HDX: variants seen among roughly 807,000 people sequenced by gnomAD.
HDX encodes the protein highly divergent homeobox, also known as chromosome X open reading frame 43.
A neutral mutation model predicts 45.2 loss-of-function variants in HDX; 19 were observed. The ratio of observed to expected loss-of-function variants is 0.42; its 90% CI spans 0.29 to 0.62. The LOEUF (loss-of-function observed/expected upper bound fraction) is 0.62, where lower values mean the gene tolerates loss of function less well. HDX is among the 20% of genes least tolerant of loss of function. The pLI, the probability that HDX is intolerant of heterozygous loss-of-function variation, is 0.20. For missense variants in HDX, 532 were observed against 493.9 expected (o/e 1.08, Z -0.73); for synonymous variants, 188 against 172.8 (o/e 1.09, Z -0.69).
At chrX:84,460,217 C>A (rs1269794903) in intron 4 of HDX, among the ~76,000 whole-genome samples, 1 of 111,584 alleles carries the variant, frequency 9.0e-6, no homozygotes, top group Admixed American at 9.5e-5. Context: ...CAAAACCAGA[C>A]AAAGATGTCT....
chrX:84,422,046 A>G (rs2039268097), intron 5 of HDX, among the ~76,000 whole-genome samples: 1 of 110,818 alleles, frequency 9.0e-6, no homozygotes, highest in African/African-American at 3.3e-5. Context: ...TCTTCAGTGT[A>G]GACCAAATGG....
At chrX:84,402,462 G>T (rs932118958) in intron 5 of HDX, among the ~76,000 whole-genome samples, 22 of 111,500 alleles carry the variant, frequency 2.0e-4, no homozygotes, top group African/African-American at 6.8e-4. Flanking sequence ...GGCAACCACT[G>T]ATCTATTTAC....
chrX:84,373,425 C>T (rs943076738), intron 5 of HDX, among the ~76,000 whole-genome samples: 1 of 110,966 alleles, frequency 9.0e-6, no homozygotes, highest in Non-Finnish European at 1.9e-5. Context: ...CAGCATCATC[C>T]TGATACCAAA....
chrX:84,452,816 A>G (rs1195011645), intron 4 of HDX, among the ~76,000 whole-genome samples: 3 of 112,075 alleles, frequency 2.7e-5, no homozygotes, highest in African/African-American at 9.7e-5. Flanking sequence ...CAATATGCAA[A>G]CATCAACTCA....
chrX:84,412,147 A>T (rs1906149144), intron 5 of HDX, among the ~76,000 whole-genome samples: 1 of 111,592 alleles, frequency 9.0e-6, no homozygotes, highest in Non-Finnish European at 1.9e-5. Flanking sequence ...TAATTGGGAC[A>T]TTTAGCCCAT....
intron 4 of HDX, among the ~76,000 whole-genome samples, chrX:84,447,849 C>T (rs2039906445): frequency 9.0e-6 from 1 of 111,332 alleles, no homozygotes; most frequent in Non-Finnish European, 1.9e-5. Context: ...AAAAGGCTGC[C>T]ATACTTACAA....
At chrX:84,460,699 G>C (rs2040220401) in intron 4 of HDX, among the ~76,000 whole-genome samples, 1 of 111,687 alleles carries the variant, frequency 9.0e-6, no homozygotes, top group Non-Finnish European at 1.9e-5. Context: ...GTACTAGCTA[G>C]AGCAATCAAC....
chrX:84,326,130 T>C lies in HDX; in HGVS notation c.1947+48A>G, dbSNP rs748694140. 6.9e-6 allele frequency: 8 copies of C among 1,163,603 alleles called. No individual in the cohort carries two copies. The Admixed American group carries it at 1.8e-4, about 26-fold the overall frequency. ...TGAAGAACCCAAGTGTGACATACCA[T>C]TTTTTGACTTGATACATTGCAGCTT... On this transcript the variant is annotated intron_variant, in intron 10 of 10. Transcript: ENST00000373177.
chrX:84,334,672 CAAA>C lies in HDX; in HGVS notation c.1741-833_1741-831del, dbSNP rs60988215. Among the ~76,000 whole-genome samples the C allele has an allele frequency of 1.5e-4, 8 of 51,706 alleles. No homozygotes were observed. In the East Asian group the frequency reaches 4.7e-3, roughly 31 times the overall value. The allele number at this position is 51,706 out of a possible 115,157, so 44.9% of individuals were successfully genotyped here. ...TCATGTGATTTTTTTAAAAAAAAAG[CAAA>C]AAAAAAAAAAAAGGTATAAGTAAAA... On this transcript the variant is annotated intron_variant, in intron 8 of 10. Coordinates refer to ENST00000373177, the MANE Select transcript of HDX (RefSeq NM_001177479.2).
intron 6 of HDX, among the ~76,000 whole-genome samples, chrX:84,357,683 T>C (rs6623005): frequency 0.047 from 5,276 of 111,491 alleles, 158 homozygotes; most frequent in East Asian, 0.2. Flanking sequence ...AATCAGGAAG[T>C]TGCAATGTAA....
intron 4 of HDX, among the ~76,000 whole-genome samples, chrX:84,447,084 G>A (rs73508916): frequency 0.015 from 1,726 of 111,575 alleles, 32 homozygotes; most frequent in African/African-American, 0.053. Flanking sequence ...GAAGACCCAT[G>A]GACCCTTGGG....
At chrX:84,337,331 T>C (rs747740310) in intron 7 of HDX, among the ~76,000 whole-genome samples, 369 of 111,377 alleles carry the variant, frequency 3.3e-3, no homozygotes, top group African/African-American at 0.012. Flanking sequence ...CTATAAAATT[T>C]AAATAAATTT....
intron 4 of HDX, among the ~76,000 whole-genome samples, chrX:84,458,229 G>A (rs906994754): frequency 2.7e-5 from 3 of 109,984 alleles, no homozygotes; most frequent in Non-Finnish European, 5.7e-5. Context: ...TTAAAGGCTA[G>A]ATTAAAATTT....
Position 84,469,417 on chromosome X carries a change from A to T in HDX, c.306T>A (p.Asn102Lys). 3.3e-6 allele frequency: 4 copies of T among 1,210,248 alleles called. No individual in the cohort carries two copies. The highest frequency in any genetic ancestry group is 4.5e-6 in the Non-Finnish European group (4 of 894,402). The change falls in exon 4 of 11, where the codon AAT becomes AAA. Residue 102 changes from asparagine (N) to lysine (K), a missense_variant. By Grantham distance (94) the Asn-to-Lys change is moderately conservative. This residue lies in a region of HDX where 376 missense variants were observed against 343.7 expected (regional missense o/e 1.09). Transcript: ENST00000373177. ...SSQQSSWTSANNDVIVTGIYS... is the reference protein window; with the variant it reads ...SSQQSSWTSAKNDVIVTGIYS... ...ATATACCAGTTACAATGACATCATT[A>T]TTGGCAGATGTCCAAGAAGACTGCT...
In HDX at chrX:84,319,182, G is replaced by A. The variant is rs1214811599; in HGVS notation, c.*2707C>T. 9.1e-6 allele frequency: 1 copy of A among 109,921 alleles called. No individual in the cohort carries two copies. The highest frequency in any genetic ancestry group is 1.9e-5 in the Non-Finnish European group (1 of 52,215). The allele number at this position is 109,921 out of a possible 1,213,427, so 9.1% of individuals were successfully genotyped here. A position where few individuals can be genotyped will look rare whatever the true frequency, so the allele number is the denominator to read the frequency against. ...TTTGTTTTTTTCCACATTGGCTTCT[G>A]TCTCCCTGAGAGAGCCTTCAGATAG... On this transcript the variant is annotated 3_prime_UTR_variant, in exon 11 of 11. Transcript: ENST00000373177.
At chrX:84,455,734 C>T (rs2040098754) in intron 4 of HDX, among the ~76,000 whole-genome samples, 1 of 111,434 alleles carries the variant, frequency 9.0e-6, no homozygotes. Flanking sequence ...TATAGAACAG[C>T]AAGTAGGCTT....
At chrX:84,448,387 G>A (rs1008093637) in intron 4 of HDX, among the ~76,000 whole-genome samples, 2 of 110,329 alleles carry the variant, frequency 1.8e-5, no homozygotes, top group Non-Finnish European at 3.8e-5. Context: ...CAGTGCCAGA[G>A]TATACTGCCC....
chrX:84,470,474 A>G (rs2040435194), intron 3 of HDX, among the ~76,000 whole-genome samples: 1 of 111,793 alleles, frequency 8.9e-6, no homozygotes, highest in South Asian at 3.7e-4. Context: ...ATTGATTTGT[A>G]TGCAAGAGTA....
intron 5 of HDX, among the ~76,000 whole-genome samples, chrX:84,410,392 T>C (rs1262614693): frequency 1.8e-5 from 2 of 111,698 alleles, no homozygotes; most frequent in Admixed American, 1.9e-4. Context: ...ATCCTTTTCT[T>C]CATCTATTGA....
Sources: allele counts gnomAD v4.1 joint callset (sites outside exome capture counted in the v4.1 genomes callset), GRCh38; gene constraint gnomAD v4.1.1; regional missense constraint gnomAD v4.1.1; transcripts MANE v1.5; gene names NCBI Gene and HGNC (gene_info 2026-07-23, HGNC 2026-07-21).